The following TTLL7 variants were observed in gnomAD, a reference collection of about 807,000 sequenced individuals.
TTLL7 encodes the protein tubulin polyglutamylase TTLL7.
Under a neutral mutation model 120.2 loss-of-function variants are expected in TTLL7, and 53 were observed. The ratio of observed to expected loss-of-function variants is 0.44; its 90% CI spans 0.35 to 0.55. The LOEUF (loss-of-function observed/expected upper bound fraction) is 0.55, where lower values mean the gene tolerates loss of function less well. TTLL7 is among the 20% of genes least tolerant of loss of function. The pLI, the probability that TTLL7 is intolerant of heterozygous loss-of-function variation, is 0.00. For synonymous variants in TTLL7, 353 were observed against 351.7 expected (o/e 1.00, Z -0.04); for missense variants, 803 against 1,054.7 (o/e 0.76, Z 3.31).
intron 1 of TTLL7, among the ~76,000 whole-genome samples, chr1:83,998,282 G>T (rs556513458): frequency 6.6e-6 from 1 of 152,324 alleles, no homozygotes; most frequent in Middle Eastern, 3.4e-3. Context: ...CCTAGGCTAT[G>T]AAGGTATTAT....
chr1:83,934,787 T>G (rs1647246081), intron 8 of TTLL7, among the ~76,000 whole-genome samples: 1 of 152,168 alleles, frequency 6.6e-6, no homozygotes, highest in Non-Finnish European at 1.5e-5. Flanking sequence ...TGTAACTTGT[T>G]AGCTGTGCAA....
intron 1 of TTLL7, among the ~76,000 whole-genome samples, chr1:83,982,271 C>T (rs1652033407): frequency 6.6e-6 from 1 of 151,816 alleles, no homozygotes; most frequent in African/African-American, 2.4e-5. Flanking sequence ...CAGCTAAAGC[C>T]AGGCTGAGAA....
At chr1:83,943,028 A>AATGGGCT (rs1417261828) in intron 6 of TTLL7, among the ~76,000 whole-genome samples, 3 of 152,160 alleles carry the variant, frequency 2.0e-5, no homozygotes, top group Non-Finnish European at 4.4e-5. Context: ...GAGGGGGTAG[A>AATGGGCT]ATGGGCTATT....
At chr1:83,932,723 A>C (rs971958713) in intron 9 of TTLL7, among the ~76,000 whole-genome samples, 19 of 152,138 alleles carry the variant, frequency 1.2e-4, no homozygotes, top group African/African-American at 4.6e-4. Context: ...TAAATCACTA[A>C]CAAAAAGAGA....
intron 18 of TTLL7, among the ~76,000 whole-genome samples, chr1:83,891,299 C>A (rs1185639486): frequency 6.6e-6 from 1 of 151,810 alleles, no homozygotes; most frequent in Admixed American, 6.6e-5. Context: ...CAAAACATTA[C>A]AAACAGGCAT....
intron 1 of TTLL7, among the ~76,000 whole-genome samples, chr1:83,985,124 G>A (rs1402769781): frequency 1.3e-5 from 2 of 152,152 alleles, no homozygotes; most frequent in Admixed American, 1.3e-4. Flanking sequence ...TAGGCCGCCT[G>A]TAAGCTGGGG....
chr1:83,997,154 C>T (rs555681098), intron 1 of TTLL7, among the ~76,000 whole-genome samples: 2 of 152,284 alleles, frequency 1.3e-5, no homozygotes, highest in South Asian at 4.1e-4. Context: ...CCCCCGTTAA[C>T]TTGAAAAAGA....
At chr1:83,942,749 A>T in intron 6 of TTLL7, 70 bp from the exon 7 acceptor site, 1 of 1,139,416 alleles carries the variant, frequency 8.8e-7, no homozygotes, top group South Asian at 1.6e-5. Flanking sequence ...TTATAGATAT[A>T]CTCAAATGGA....
At chr1:83,977,395 C>T (rs1320225581) in intron 1 of TTLL7, among the ~76,000 whole-genome samples, 2 of 151,706 alleles carry the variant, frequency 1.3e-5, no homozygotes, top group Non-Finnish European at 2.9e-5. Context: ...TGTTAACCTT[C>T]AATATTTCTA....
At chr1:83,992,495 A>G (rs1653092309) in intron 1 of TTLL7, among the ~76,000 whole-genome samples, 1 of 152,160 alleles carries the variant, frequency 6.6e-6, no homozygotes, top group South Asian at 2.1e-4. Context: ...TCTTATTTAC[A>G]TATGACAGCA....
intron 20 of TTLL7, among the ~76,000 whole-genome samples, chr1:83,872,335 T>C (rs1331457914): frequency 6.6e-6 from 1 of 152,200 alleles, no homozygotes; most frequent in Non-Finnish European, 1.5e-5. Flanking sequence ...ACATCACAGA[T>C]TATATAAATT....
At chr1:83,910,046 A>G (rs904300710) in intron 15 of TTLL7, among the ~76,000 whole-genome samples, 1 of 152,182 alleles carries the variant, frequency 6.6e-6, no homozygotes, top group Non-Finnish European at 1.5e-5. Context: ...TAAATAAATG[A>G]AATGGAACAC....
intron 20 of TTLL7, among the ~76,000 whole-genome samples, chr1:83,874,768 A>G (rs1653768331): frequency 6.6e-6 from 1 of 152,004 alleles, no homozygotes; most frequent in African/African-American, 2.4e-5. Flanking sequence ...TCTAAATCCA[A>G]TATGGATTTG....
At chr1:83,954,321 G>C (rs1238318573) in intron 1 of TTLL7, among the ~76,000 whole-genome samples, 1 of 152,150 alleles carries the variant, frequency 6.6e-6, no homozygotes, top group African/African-American at 2.4e-5. Context: ...GGAATTTAAA[G>C]TTCTTAAAAT....
rs755965167 is a variant in TTLL7 at position 83,929,158 on chromosome 1, CA to C, written c.1119del (p.Asn373LysfsTer3). The C allele has an allele frequency of 9.3e-6, 15 of 1,611,916 alleles. No homozygotes were observed. In the Admixed American group the frequency reaches 2.3e-4, roughly 25 times the overall value. ...TACCTTATGTTTAGTAGCTTCAACG[CA>C]TTTAGCAGCACTCCCCTTTTTACAT... Reference protein sequence around the residue: ...DYDVKRGVLLNALKLLNIRTS... With the variant: ...DYDVKRGVLLXALKLLNIRTS... On this transcript the variant is annotated frameshift_variant, in exon 10 of 21. Transcript: ENST00000260505. LOFTEE classifies it high-confidence loss of function.
intron 19 of TTLL7, among the ~76,000 whole-genome samples, chr1:83,884,145 A>G (rs1426283751): frequency 6.6e-6 from 1 of 151,504 alleles, no homozygotes; most frequent in African/African-American, 2.4e-5. Flanking sequence ...AGGGAGAGAG[A>G]GAGAGAGAGA....
chr1:83,929,117 G>A lies in TTLL7; in HGVS notation c.1142+19C>T. 1.3e-6 allele frequency: 2 copies of A among 1,552,078 alleles called. No homozygotes were observed. Among genetic ancestry groups the A allele is most frequent in the Non-Finnish European group, 1.8e-6 (2 of 1,132,722 alleles). On this transcript the variant is annotated intron_variant, in intron 10 of 20. Transcript: ENST00000260505. ...CAAATGTGGAGATAAATGTCCAAAA[G>A]ATAGAGAGAGTATTTTACCTTATGT...
Position 83,954,899 on chromosome 1 carries a change from G to A in TTLL7, c.-176-2512C>T, listed in dbSNP as rs140187393. On this transcript the variant is annotated intron_variant, in intron 1 of 20. Transcript: ENST00000260505. ...AAAAACCAGAAAAAAATTTGACGGT[G>A]AGCACAAAATGATTTTTAAGATAAA... 2.4e-3 allele frequency among the ~76,000 whole-genome samples: 363 copies of A among 149,512 alleles called. 3 individuals are homozygous for A. The highest frequency in any genetic ancestry group is 8.6e-3 in the African/African-American group (353 of 40,878).
At chr1:83,976,880 CA>C (rs138814535) in intron 1 of TTLL7, among the ~76,000 whole-genome samples, 7,121 of 146,750 alleles carry the variant, frequency 0.049, 229 homozygotes, top group Middle Eastern at 0.11. Flanking sequence ...AAAATTTTTA[CA>C]AAAAAAAAAT....
Sources: allele counts gnomAD v4.1 joint callset (sites outside exome capture counted in the v4.1 genomes callset), GRCh38; gene constraint gnomAD v4.1.1; transcripts MANE v1.5; gene names NCBI Gene and HGNC (gene_info 2026-07-23, HGNC 2026-07-21).